Variants in CCSER1 observed in about 807,000 individuals in gnomAD.
The protein encoded by CCSER1 is coiled-coil serine rich protein 1.
In CCSER1, 41 loss-of-function variants were observed where a neutral mutation model predicts 82.0. That is an observed-to-expected ratio of 0.50 (90% CI 0.39 to 0.65). CCSER1 has a LOEUF of 0.65. CCSER1 is among the 30% of genes least tolerant of loss of function. CCSER1 has a pLI of 0.00. For missense variants in CCSER1, 1,119 were observed against 1,064.2 expected (o/e 1.05, Z -0.72); for synonymous variants, 414 against 383.9 (o/e 1.08, Z -0.92).
At chr4:90,873,133 CTT>C (rs1359769518) in intron 8 of CCSER1, among the ~76,000 whole-genome samples, 1 of 151,890 alleles carries the variant, frequency 6.6e-6, no homozygotes, top group African/African-American at 2.4e-5. Flanking sequence ...TTCAAAAGTT[CTT>C]TGTTATTATC....
intron 1 of CCSER1, among the ~76,000 whole-genome samples, chr4:90,190,163 C>T (rs1010195275): frequency 1.3e-5 from 2 of 152,024 alleles, no homozygotes; most frequent in East Asian, 3.9e-4. Flanking sequence ...ACTTAGCAGG[C>T]GCATCTAGAA....
intron 10 of CCSER1, among the ~76,000 whole-genome samples, chr4:91,241,949 C>A (rs1485869163): frequency 2.7e-5 from 4 of 149,594 alleles, no homozygotes; most frequent in Non-Finnish European, 5.9e-5. Flanking sequence ...GCATATATTA[C>A]ACACACAACT....
chr4:90,343,051 T>C (rs186844964), intron 3 of CCSER1, among the ~76,000 whole-genome samples: 107 of 152,092 alleles, frequency 7.0e-4, no homozygotes, highest in African/African-American at 2.0e-3. Context: ...CAATTCTCAA[T>C]TGATGATAAT....
At chr4:90,726,903 T>C (rs559346231) in intron 7 of CCSER1, among the ~76,000 whole-genome samples, 312 of 152,234 alleles carry the variant, frequency 2.0e-3, no homozygotes, top group Non-Finnish European at 3.6e-3. Flanking sequence ...GTACATAAAC[T>C]CCAGGTCACC....
rs114661814 is a variant in CCSER1 at position 90,649,260 on chromosome 4, G to A, written c.1932+21028G>A. On this transcript the variant is annotated intron_variant, in intron 6 of 10. Coordinates refer to ENST00000509176, the MANE Select transcript of CCSER1 (RefSeq NM_001145065.2). ...TAGTAAGAATATGGAGTGTGGCAGT[G>A]GCAATGGGAAGCTAAGAAGAGAGAG... Among the ~76,000 whole-genome samples the A allele has an allele frequency of 9.3e-3, 1,421 of 152,200 alleles. 15 individuals are homozygous for A. The highest frequency in any genetic ancestry group is 0.031 in the African/African-American group (1,276 of 41,520).
intron 10 of CCSER1, among the ~76,000 whole-genome samples, chr4:91,179,244 T>C (rs1337088439): frequency 6.6e-6 from 1 of 152,216 alleles, no homozygotes; most frequent in Non-Finnish European, 1.5e-5. Context: ...ATTTTTTCCT[T>C]CATTTCAACT....
At chr4:90,788,242 G>GA (rs1482922332) in intron 7 of CCSER1, among the ~76,000 whole-genome samples, 2 of 151,820 alleles carry the variant, frequency 1.3e-5, no homozygotes, top group African/African-American at 2.4e-5. Flanking sequence ...ATCAGTTATT[G>GA]AAAAATCAGA....
At chr4:90,283,427 C>A (rs1729237381) in intron 1 of CCSER1, among the ~76,000 whole-genome samples, 2 of 151,790 alleles carry the variant, frequency 1.3e-5, no homozygotes, top group Admixed American at 6.6e-5. Flanking sequence ...AAGCATATAG[C>A]ATGCAATGAT....
chr4:90,746,411 G>C (rs1114878), intron 7 of CCSER1, among the ~76,000 whole-genome samples: 1 of 151,928 alleles, frequency 6.6e-6, no homozygotes, highest in Admixed American at 6.6e-5. Flanking sequence ...AATAAAATTA[G>C]CCATTGGGAA....
At chr4:90,279,645 G>C (rs1728533453) in intron 1 of CCSER1, among the ~76,000 whole-genome samples, 1 of 151,906 alleles carries the variant, frequency 6.6e-6, no homozygotes, top group African/African-American at 2.4e-5. Context: ...CAAGTAGCTA[G>C]GACATAGCAG....
chr4:90,607,533 G>A (rs988988746), intron 5 of CCSER1, among the ~76,000 whole-genome samples: 2 of 152,050 alleles, frequency 1.3e-5, no homozygotes, highest in African/African-American at 4.8e-5. Flanking sequence ...GCTTTCCTTG[G>A]CTCATAGAAG....
intron 10 of CCSER1, among the ~76,000 whole-genome samples, chr4:91,413,195 C>G (rs1316478750): frequency 6.6e-6 from 1 of 152,086 alleles, no homozygotes; most frequent in Non-Finnish European, 1.5e-5. Flanking sequence ...GTAATCCCGG[C>G]ACTTTGGGAG....
intron 8 of CCSER1, among the ~76,000 whole-genome samples, chr4:90,920,258 TTAAA>T (rs71891169): frequency 0.47 from 70,514 of 151,410 alleles, 18,024 homozygotes; most frequent in African/African-American, 0.7. Flanking sequence ...AAGGATGTAT[TTAAA>T]TAAGTTCCAT....
At chr4:91,418,642 A>G (rs1203846346) in intron 10 of CCSER1, among the ~76,000 whole-genome samples, 1 of 152,024 alleles carries the variant, frequency 6.6e-6, no homozygotes, top group Admixed American at 6.6e-5. Context: ...AACTCTACCA[A>G]GCCTTTAAAG....
At chr4:90,592,995 T>C (rs1343814905) in intron 5 of CCSER1, among the ~76,000 whole-genome samples, 1 of 152,168 alleles carries the variant, frequency 6.6e-6, no homozygotes, top group Non-Finnish European at 1.5e-5. Context: ...ACAAAATAAT[T>C]GTATAAATTC....
chr4:91,067,219 T>C (rs1432875885), intron 9 of CCSER1, among the ~76,000 whole-genome samples: 1 of 151,822 alleles, frequency 6.6e-6, no homozygotes, highest in Non-Finnish European at 1.5e-5. Flanking sequence ...AAAACAACAC[T>C]TGTTAAATGA....
chr4:90,960,786 G>T (rs1733978763), intron 9 of CCSER1, among the ~76,000 whole-genome samples: 1 of 152,148 alleles, frequency 6.6e-6, no homozygotes. Context: ...TTAGCTACAA[G>T]ACTAGATTGG....
At chr4:91,161,600 C>A (rs2148977901) in intron 10 of CCSER1, among the ~76,000 whole-genome samples, 1 of 152,210 alleles carries the variant, frequency 6.6e-6, no homozygotes, top group South Asian at 2.1e-4. Flanking sequence ...TTGTAGTTCT[C>A]TTTGAAGAGG....
At position 91,452,367 on chromosome 4, in the gene CCSER1, G is replaced by A. The variant is rs780380648; in HGVS notation, c.2218-146205G>A. Among the ~76,000 whole-genome samples the A allele has an allele frequency of 9.9e-5, 15 of 151,956 alleles. 1 individual carries two copies. Among genetic ancestry groups the A allele is most frequent in the Admixed American group, 6.6e-4 (10 of 15,216 alleles). On this transcript the variant is annotated intron_variant, in intron 10 of 10. Transcript: ENST00000509176. ...ACTCCACGTGACTGTAAGAGTCAGA[G>A]GCAATGGCAGGTAAGCATTGCCTTT...
Sources: allele counts gnomAD v4.1 joint callset (sites outside exome capture counted in the v4.1 genomes callset), GRCh38; gene constraint gnomAD v4.1.1; transcripts MANE v1.5; gene names NCBI Gene and HGNC (gene_info 2026-07-23, HGNC 2026-07-21).